MCF2L2: variants seen among roughly 807,000 people sequenced by gnomAD.
MCF2L2 encodes the protein MCF.2 cell line derived transforming sequence-like 2, also known as probable guanine nucleotide exchange factor MCF2L2.
MCF2L2 carries 102 observed loss-of-function variants against 150.2 expected under a neutral mutation model. The ratio of observed to expected loss-of-function variants is 0.68; its 90% CI spans 0.58 to 0.80. The LOEUF is 0.80. Ranked by LOEUF, MCF2L2 falls within the 30% of genes least tolerant of loss-of-function variation. The pLI is 0.00. For synonymous variants in MCF2L2, 465 were observed against 491.3 expected, an observed-to-expected ratio of 0.95 and a Z score of 0.71; for missense variants, 1,256 against 1,372.8, an observed-to-expected ratio of 0.91 and a Z score of 1.34.
intron 18 of MCF2L2, chr3:183,224,496 C>T (rs1318633987): frequency 4.2e-6 from 1 of 236,604 alleles, no homozygotes; most frequent in Non-Finnish European, 8.4e-6. Flanking sequence ...TCATTCTTTT[C>T]CTGCCCTTTG....
intron 15 of MCF2L2, among the ~76,000 whole-genome samples, chr3:183,251,485 A>G (rs1410246712): frequency 6.6e-6 from 1 of 152,040 alleles, no homozygotes; most frequent in Non-Finnish European, 1.5e-5. Flanking sequence ...TGCCTTATCT[A>G]TCCCTGCCGA....
intron 3 of MCF2L2, among the ~76,000 whole-genome samples, chr3:183,358,293 C>CA (rs1371152756): frequency 4.4e-4 from 66 of 150,238 alleles, no homozygotes; most frequent in African/African-American, 1.6e-3. Context: ...AACTCTGTCA[C>CA]AAGAAAAATA....
Position 183,362,108 on chromosome 3 carries a change from A to AC in MCF2L2, c.275+17188dup, listed in dbSNP as rs1408627372. 1.5e-4 allele frequency among the ~76,000 whole-genome samples: 19 copies of AC among 130,892 alleles called. No individual in the cohort carries two copies. In the East Asian group the frequency reaches 4.1e-3, roughly 28 times the overall value. The allele number at this position is 130,892 out of a possible 152,430, so 85.9% of individuals were successfully genotyped here. A position where few individuals can be genotyped will look rare whatever the true frequency, so the allele number is the denominator to read the frequency against. On this transcript the variant is annotated intron_variant, in intron 3 of 29. Coordinates refer to ENST00000328913, the MANE Select transcript of MCF2L2 (RefSeq NM_015078.4). ...ATCTGAAATACTTCTTGTCTCAAGA[A>AC]CTTTTTTTTTTTTTGAGTTGGAGTA...
At chr3:183,319,353 C>T (rs1380525372) in intron 6 of MCF2L2, among the ~76,000 whole-genome samples, 1 of 152,194 alleles carries the variant, frequency 6.6e-6, no homozygotes, top group East Asian at 1.9e-4. Flanking sequence ...GCAGTTACTT[C>T]CCCAACTAAA....
At chr3:183,289,681 T>C (rs1239145513) in intron 13 of MCF2L2, among the ~76,000 whole-genome samples, 2 of 151,990 alleles carry the variant, frequency 1.3e-5, no homozygotes, top group Admixed American at 6.5e-5. Context: ...CATGGTGAAA[T>C]CCCGTCTCTA....
intron 2 of MCF2L2, among the ~76,000 whole-genome samples, chr3:183,380,907 A>T (rs942262865): frequency 2.6e-5 from 4 of 152,220 alleles, no homozygotes; most frequent in Admixed American, 2.0e-4. Flanking sequence ...AAAATGAGAG[A>T]AAAAATAATA....
chr3:183,179,554 A>G lies in MCF2L2; in HGVS notation c.3221+23T>C, dbSNP rs1351151590. On this transcript the variant is annotated intron_variant, in intron 29 of 29. Transcript: ENST00000328913. This position sits in a 1 kb window ranked among gnomAD's most constrained non-coding sequence, Gnocchi z 4.2. ...GACGCCGTGGCCCAAAGAGGCGCTT[A>G]GTCTTTCCTCGCTCACACTCACGTT... 1.2e-6 allele frequency: 2 copies of G among 1,613,076 alleles called. No homozygotes were observed. The highest frequency in any genetic ancestry group is 1.7e-6 in the Non-Finnish European group (2 of 1,179,510).
chr3:183,299,401 C>T (rs1728724143), intron 11 of MCF2L2: 1 of 152,572 alleles, frequency 6.6e-6, no homozygotes, highest in Non-Finnish European at 1.5e-5. Context: ...AGGGAATCTG[C>T]CATATAACAG....
chr3:183,335,951 G>A (rs542491955), intron 5 of MCF2L2, among the ~76,000 whole-genome samples: 30 of 152,252 alleles, frequency 2.0e-4, no homozygotes, highest in Admixed American at 9.8e-4. Flanking sequence ...AGGCCAAAGC[G>A]TTCGTCACCT....
intron 3 of MCF2L2, among the ~76,000 whole-genome samples, chr3:183,360,981 A>T (rs1403708752): frequency 8.0e-6 from 1 of 124,712 alleles, no homozygotes; most frequent in Non-Finnish European, 1.6e-5. Flanking sequence ...AAGAAAAGAA[A>T]AGAAAAGAAA....
intron 15 of MCF2L2, 172 bp downstream of exon 15, chr3:183,276,700 T>C (rs1727170847): frequency 4.2e-6 from 2 of 476,238 alleles, no homozygotes; most frequent in Non-Finnish European, 7.6e-6. Context: ...GCTTGTTGCT[T>C]TTGTGGGATC....
intron 15 of MCF2L2, among the ~76,000 whole-genome samples, chr3:183,241,035 T>C (rs886686156): frequency 2.6e-5 from 4 of 151,906 alleles, no homozygotes; most frequent in African/African-American, 4.8e-5. Context: ...AAATTTAGAG[T>C]CTAATGGAAG....
intron 25 of MCF2L2, among the ~76,000 whole-genome samples, chr3:183,204,465 T>TAA (rs930969715): frequency 3.5e-5 from 5 of 144,752 alleles, no homozygotes; most frequent in African/African-American, 5.7e-5. Context: ...ATGGCAATGA[T>TAA]AATAATAATA....
intron 23 of MCF2L2, among the ~76,000 whole-genome samples, chr3:183,207,110 G>GGT (rs907954236): frequency 2.6e-5 from 4 of 152,096 alleles, no homozygotes; most frequent in African/African-American, 7.2e-5. Context: ...CCTGTATGTG[G>GGT]GTGTGTGTGT....
intron 3 of MCF2L2, among the ~76,000 whole-genome samples, chr3:183,367,535 A>T (rs1712611661): frequency 6.6e-6 from 1 of 152,132 alleles, no homozygotes; most frequent in South Asian, 2.1e-4. Flanking sequence ...CGGCCTACTG[A>T]TGTCTATTAC....
chr3:183,384,300 C>T (rs1713702388), intron 2 of MCF2L2, among the ~76,000 whole-genome samples: 1 of 152,202 alleles, frequency 6.6e-6, no homozygotes, highest in Non-Finnish European at 1.5e-5. Context: ...AACATGGTAA[C>T]AGCCCTTTCC....
At chr3:183,342,734 T>C (rs980037097) in intron 3 of MCF2L2, among the ~76,000 whole-genome samples, 3 of 151,876 alleles carry the variant, frequency 2.0e-5, no homozygotes, top group East Asian at 1.9e-4. Flanking sequence ...TAATACTGTA[T>C]AAGCACTATT....
intron 11 of MCF2L2, chr3:183,297,845 C>T (rs938793519): frequency 6.6e-6 from 1 of 152,326 alleles, no homozygotes; most frequent in Non-Finnish European, 1.5e-5. Context: ...AGCTAAATAT[C>T]TCTTAGGCTG....
intron 4 of MCF2L2, 37 bp downstream of exon 4, chr3:183,341,503 T>C (rs778509867): frequency 1.1e-5 from 16 of 1,465,092 alleles, no homozygotes; most frequent in Non-Finnish European, 1.4e-5. Flanking sequence ...ACAATTTAAA[T>C]GACTTTTATA....
Sources: gnomAD v4.1 joint callset for allele counts (sites outside exome capture counted in the v4.1 genomes callset) on GRCh38, gnomAD v4.1.1 for gene constraint, Gnocchi (gnomAD v3.1) non-coding constraint, MANE v1.5 for transcripts, NCBI Gene and HGNC (gene_info 2026-07-23, HGNC 2026-07-21) for gene names.